TTI2: variants seen among roughly 807,000 people sequenced by gnomAD.
TTI2 encodes the protein TELO2 interacting protein 2.
Under a neutral mutation model 44.9 loss-of-function variants are expected in TTI2, and 26 were observed. That is an observed-to-expected ratio of 0.58 (90% CI 0.42 to 0.80). The LOEUF (loss-of-function observed/expected upper bound fraction) is 0.80. Among genes scored for constraint, TTI2 ranks in the 30% least tolerant of loss-of-function variants. TTI2 has a pLI of 0.00. For synonymous variants in TTI2, 254 were observed against 250.9 expected, an observed-to-expected ratio of 1.01 and a Z score of -0.12; for missense variants, 582 against 611.6, an observed-to-expected ratio of 0.95 and a Z score of 0.51.
chr8:33,510,868 T>A (rs890406529), intron 2 of TTI2, among the ~76,000 whole-genome samples: 2 of 152,162 alleles, frequency 1.3e-5, no homozygotes, highest in Admixed American at 1.3e-4. Flanking sequence ...GGAAACTCAT[T>A]GAAAGAACTT....
chr8:33,501,864 T>C (rs1481477162), intron 6 of TTI2, among the ~76,000 whole-genome samples: 1 of 152,218 alleles, frequency 6.6e-6, no homozygotes, highest in African/African-American at 2.4e-5. Flanking sequence ...TTCCAGTTCC[T>C]GACACCTACC....
chr8:33,507,442 T>A, intron 3 of TTI2, 121 bp from the exon 4 acceptor site: 1 of 826,366 alleles, frequency 1.2e-6, no homozygotes, highest in Non-Finnish European at 2.1e-6. Context: ...AAAATATGCA[T>A]GATTGTTTCG....
At chr8:33,501,509 C>A (rs967831746) in intron 6 of TTI2, among the ~76,000 whole-genome samples, 2 of 152,150 alleles carry the variant, frequency 1.3e-5, no homozygotes, top group Non-Finnish European at 2.9e-5. Context: ...TTTTATTCAT[C>A]CATTGATTCA....
chr8:33,499,069 C>G lies in TTI2; in HGVS notation c.*104G>C. The G allele has an allele frequency of 1.0e-6, 1 of 985,642 alleles. No individual in the cohort carries two copies. Among genetic ancestry groups the G allele is most frequent in the Non-Finnish European group, 1.6e-6 (1 of 632,968 alleles). The allele number at this position is 985,642 out of a possible 1,614,324, so 61.1% of individuals were successfully genotyped here. On this transcript the variant is annotated 3_prime_UTR_variant, in exon 8 of 8. Transcript: ENST00000431156. Reference sequence around the variant, plus strand: ...GGAAGGAAGGAAAAAGCAGCTTTCACTTACAAAGTTTCGTGTAAAAATATC... The same window carrying G: ...GGAAGGAAGGAAAAAGCAGCTTTCAGTTACAAAGTTTCGTGTAAAAATATC...
Position 33,499,190 on chromosome 8 carries a change from G to A in TTI2, c.1510C>T (p.Pro504Ser), listed in dbSNP as rs1227224378. Reference sequence around the variant, plus strand: ...TACAAGTCTTAAGTTCCATTGTAGGGTGCGCCTTCAGAAACCTGCTGCACT... The same window carrying A: ...TACAAGTCTTAAGTTCCATTGTAGGATGCGCCTTCAGAAACCTGCTGCACT... Reference protein sequence around the residue: ...RKVQQVSEGAPYNGT With the variant: ...RKVQQVSEGASYNGT Residue 504 changes from proline to serine, a missense_variant, in exon 8 of 8, where the codon CCC becomes TCC. By Grantham distance (74) the Pro-to-Ser change is moderately conservative. Transcript: ENST00000431156. The A allele has an allele frequency of 2.5e-6, 4 of 1,613,588 alleles. No individual in the cohort carries two copies. Among genetic ancestry groups the A allele is most frequent in the Non-Finnish European group, 3.4e-6 (4 of 1,179,664 alleles).
chr8:33,510,517 C>T (rs1809489537), intron 2 of TTI2, among the ~76,000 whole-genome samples: 2 of 152,090 alleles, frequency 1.3e-5, no homozygotes, highest in Admixed American at 1.3e-4. Flanking sequence ...GATGGGATTA[C>T]ACACTTGCAC....
intron 4 of TTI2, among the ~76,000 whole-genome samples, chr8:33,505,496 C>CTT (rs544115559): frequency 7.9e-6 from 1 of 125,888 alleles, no homozygotes. Flanking sequence ...TTTTTTTTTT[C>CTT]TTTTTTTTTT....
In TTI2 at chr8:33,503,787, C is replaced by A. The variant is rs769052273; in HGVS notation, c.1076G>T (p.Arg359Leu). ...HMEPEHRLLLRRTYARNLPAF... is the reference protein window; with the variant it reads ...HMEPEHRLLLLRTYARNLPAF... ...CGGCAGGTTTCTTGCGTAGGTCCTG[C>A]GTAAAAGAAGGCGGTGCTCTGGCTC... The change falls in exon 5 of 8, where the codon CGC becomes CTC. Residue 359 changes from arginine to leucine, a missense_variant. Physicochemically the swap from Arg to Leu is moderately radical, Grantham distance 102. Transcript: ENST00000431156. The A allele has an allele frequency of 6.2e-7, 1 of 1,613,994 alleles. No individual in the cohort carries two copies.
chr8:33,499,274 G>C lies in TTI2; in HGVS notation c.1426C>G (p.Leu476Val). The C allele has an allele frequency of 6.2e-7, 1 of 1,612,168 alleles. No individual in the cohort carries two copies. Among genetic ancestry groups the C allele is most frequent in the African/African-American group, 1.3e-5 (1 of 74,826 alleles). Reference sequence around the variant, plus strand: ...CAGCTTTGGGGAATTTTGGCCAGGAGACCCTGAAACATGAAACCAAACAGG... The same window carrying C: ...CAGCTTTGGGGAATTTTGGCCAGGACACCCTGAAACATGAAACCAAACAGG... ...DRCSQGRVKGLLAKIPQSCED... is the reference protein window; with the variant it reads ...DRCSQGRVKGVLAKIPQSCED... The change falls in exon 8 of 8, where the codon CTC becomes GTC. Residue 476 changes from leucine (L) to valine (V), a missense_variant. Transcript: ENST00000431156.
At chr8:33,506,480 C>T (rs1046701469) in intron 4 of TTI2, among the ~76,000 whole-genome samples, 3 of 150,224 alleles carry the variant, frequency 2.0e-5, no homozygotes, top group African/African-American at 7.4e-5. Context: ...CAACCTCCAC[C>T]TCCTGGGTTC....
At chr8:33,502,851 TG>T (rs1307604802) in intron 6 of TTI2, among the ~76,000 whole-genome samples, 6 of 135,996 alleles carry the variant, frequency 4.4e-5, no homozygotes, top group Non-Finnish European at 9.4e-5. Context: ...AACAAAAGGC[TG>T]GGCATGGTGG....
chr8:33,499,161 G>C lies in TTI2; in HGVS notation c.*12C>G. The stretch of plus-strand genomic sequence containing the variant: ...AAGAAAATCCTTTCCTCTTGGGAAA[G>C]TAATACAAGTCTTAAGTTCCATTGT... On this transcript the variant is annotated 3_prime_UTR_variant, in exon 8 of 8. Transcript: ENST00000431156. 6.3e-7 allele frequency: 1 copy of C among 1,596,358 alleles called. No individual in the cohort carries two copies. The highest frequency in any genetic ancestry group is 1.7e-4 in the Middle Eastern group (1 of 6,038).
intron 3 of TTI2, 43 bp from the exon 4 acceptor site, chr8:33,507,364 A>G: frequency 6.4e-7 from 1 of 1,561,102 alleles, no homozygotes; most frequent in Non-Finnish European, 8.8e-7. Flanking sequence ...TAGTTTCCCA[A>G]GATTGGCACA....
Position 33,507,242 on chromosome 8 carries a change from T to C in TTI2, c.914A>G (p.His305Arg), listed in dbSNP as rs772772988. The C allele has an allele frequency of 6.2e-6, 10 of 1,613,986 alleles. No homozygotes were observed. In the African/African-American group the frequency reaches 1.3e-4, roughly 22 times the overall value. ...TCATACTATTACCTGAATGAGGTGG[T>C]GCTCTGGTGTGTACAGGTGGTTGGA... is the stretch of plus-strand genomic sequence containing the variant. ...AISNHLYTPE[H>R]HLIQAVLLCL... The change falls in exon 4 of 8, where the codon CAC (histidine) becomes CGC (arginine). Residue 305 changes from histidine (H) to arginine (R), a missense_variant. His to Arg is a conservative substitution (Grantham distance 29, BLOSUM62 0). Coordinates refer to ENST00000431156, the MANE Select transcript of TTI2 (RefSeq NM_001102401.4).
chr8:33,507,750 C>T (rs1230225493), intron 3 of TTI2, among the ~76,000 whole-genome samples: 1 of 151,922 alleles, frequency 6.6e-6, no homozygotes, highest in Non-Finnish European at 1.5e-5. Context: ...CTTTGGAAAG[C>T]CAAGGTGAGA....
rs547972753 is a variant in TTI2 at position 33,501,933 on chromosome 8, T to A, written c.1260-1443A>T. 6.6e-4 allele frequency among the ~76,000 whole-genome samples: 100 copies of A among 152,258 alleles called. No homozygotes were observed. The South Asian group carries it at 6.6e-3, about 10-fold the overall frequency. On this transcript the variant is annotated intron_variant, in intron 6 of 7. Coordinates refer to ENST00000431156, the MANE Select transcript of TTI2 (RefSeq NM_001102401.4). ...ATATCCTACATTAGTATGCTTTTTTTAAATTTTTATTATTTTTTTTTATAT... is the reference window on the plus strand; with the variant it reads ...ATATCCTACATTAGTATGCTTTTTTAAAATTTTTATTATTTTTTTTTATAT...
At chr8:33,504,058 AC>A in intron 4 of TTI2, 123 bp from the exon 5 acceptor site, 1 of 980,670 alleles carries the variant, frequency 1.0e-6, no homozygotes. Flanking sequence ...ATTCTAAGAT[AC>A]TAGTAATCAT....
At chr8:33,504,034 G>T in intron 4 of TTI2, 99 bp from the exon 5 acceptor site, 1 of 1,251,276 alleles carries the variant, frequency 8.0e-7, no homozygotes, top group Non-Finnish European at 1.1e-6. Flanking sequence ...CGTCCTTAGG[G>T]TCCATACCAG....
At chr8:33,499,307 A>ATTT in intron 7 of TTI2, 30 bp from the exon 8 acceptor site, 4 of 1,228,380 alleles carry the variant, frequency 3.3e-6, no homozygotes, top group African/African-American at 1.5e-5. Flanking sequence ...AGGCTTTGAT[A>ATTT]TTTTTTTTTT....
Sources: gnomAD v4.1 joint callset for allele counts (sites outside exome capture counted in the v4.1 genomes callset) on GRCh38, gnomAD v4.1.1 for gene constraint, MANE v1.5 for transcripts, NCBI Gene and HGNC (gene_info 2026-07-23, HGNC 2026-07-21) for gene names.